The following ANXA8 variants were observed in gnomAD, a reference collection of about 807,000 sequenced individuals.
The protein encoded by ANXA8 is VAC-beta.
A neutral mutation model predicts 26.8 loss-of-function variants in ANXA8; 9 were observed. The observed-to-expected ratio is 0.34, with a 90% confidence interval of 0.20 to 0.59. The LOEUF (loss-of-function observed/expected upper bound fraction) is 0.59. Ranked by LOEUF, ANXA8 falls within the 20% of genes least tolerant of loss-of-function variation. The pLI is 0.84. For missense variants in ANXA8, 83 were observed against 238.5 expected, an observed-to-expected ratio of 0.35 and a Z score of 4.29; for synonymous variants, 39 against 94.8, an observed-to-expected ratio of 0.41 and a Z score of 3.42.
the ANXA8 span, among the ~76,000 whole-genome samples, chr10:47,940,914 G>A: frequency 7.1e-6 from 1 of 140,212 alleles, no homozygotes; most frequent in Non-Finnish European, 1.5e-5. Flanking sequence ...GAGAGAGAGA[G>A]AAAGAGGGAG....
chr10:47,685,134 G>A, the ANXA8 span, among the ~76,000 whole-genome samples: 9 of 150,314 alleles, frequency 6.0e-5, no homozygotes, highest in African/African-American at 2.0e-4. Flanking sequence ...ATCAGCTGAG[G>A]TTGGGAGTTC....
the ANXA8 span, among the ~76,000 whole-genome samples, chr10:47,628,679 G>A: frequency 6.7e-6 from 1 of 149,910 alleles, no homozygotes; most frequent in Admixed American, 6.6e-5. Context: ...ATGCCTCTCA[G>A]CACCTCACTG....
At chr10:47,530,753 C>G in the ANXA8 span, among the ~76,000 whole-genome samples, 12 of 132,442 alleles carry the variant, frequency 9.1e-5, no homozygotes, top group Non-Finnish European at 1.9e-4. Flanking sequence ...ACACCCACAT[C>G]CCTCTTATCC....
intron 6 of ANXA8, among the ~76,000 whole-genome samples, chr10:47,475,206 C>T (rs1273098151): frequency 8.8e-5 from 13 of 147,578 alleles, no homozygotes; most frequent in African/African-American, 2.7e-4. Context: ...TAAGGCTTGG[C>T]GGATTCAGTG....
At chr10:47,567,919 A>G in the ANXA8 span, 90 of 595,130 alleles carry the variant, frequency 1.5e-4, 1 homozygote, top group African/African-American at 1.8e-3. Context: ...TTTAACCTTT[A>G]TATGGAATAG....
chr10:47,551,716 A>C, the ANXA8 span: 3 of 236,208 alleles, frequency 1.3e-5, no homozygotes, highest in African/African-American at 6.9e-5. Context: ...ATTCAATGGA[A>C]GAACCATCAG....
At chr10:47,944,981 A>G in the ANXA8 span, among the ~76,000 whole-genome samples, 1 of 149,598 alleles carries the variant, frequency 6.7e-6, no homozygotes, top group Non-Finnish European at 1.5e-5. Flanking sequence ...TCCTGCTCCC[A>G]GGATTTTGTA....
chr10:47,596,054 T>C, the ANXA8 span, among the ~76,000 whole-genome samples: 1 of 138,646 alleles, frequency 7.2e-6, no homozygotes, highest in African/African-American at 3.0e-5. Context: ...TCAAATAATA[T>C]CAAGCATCTT....
the ANXA8 span, among the ~76,000 whole-genome samples, chr10:47,687,086 A>G: frequency 6.6e-6 from 1 of 151,238 alleles, no homozygotes; most frequent in Non-Finnish European, 1.5e-5. Flanking sequence ...CCTGGGTGAG[A>G]GAGAGAGACC....
At chr10:47,896,833 CAT>C in the ANXA8 span, among the ~76,000 whole-genome samples, 1 of 152,054 alleles carries the variant, frequency 6.6e-6, no homozygotes, top group African/African-American at 2.4e-5. Context: ...TCAAACAAGA[CAT>C]AAACAATTGT....
At chr10:47,510,885 C>G in the ANXA8 span, among the ~76,000 whole-genome samples, 1 of 127,112 alleles carries the variant, frequency 7.9e-6, no homozygotes, top group Non-Finnish European at 1.6e-5. Flanking sequence ...ATATTTTTTT[C>G]TACAGCAATA....
At chr10:47,944,382 T>C in the ANXA8 span, among the ~76,000 whole-genome samples, 1 of 149,430 alleles carries the variant, frequency 6.7e-6, no homozygotes, top group East Asian at 2.1e-4. Context: ...TTCCGGACTC[T>C]GCTCCCAAGT....
At chr10:47,546,227 AT>A in the ANXA8 span, among the ~76,000 whole-genome samples, 1 of 139,252 alleles carries the variant, frequency 7.2e-6, no homozygotes, top group Non-Finnish European at 1.6e-5. Context: ...AAAAAAAAAA[AT>A]CTTTTTTTGC....
At chr10:47,731,278 GTTTT>G in the ANXA8 span, among the ~76,000 whole-genome samples, 1 of 144,968 alleles carries the variant, frequency 6.9e-6, no homozygotes, top group Non-Finnish European at 1.5e-5. Flanking sequence ...GGTGGTTGTT[GTTTT>G]TTAACTTGGC....
the ANXA8 span, among the ~76,000 whole-genome samples, chr10:47,560,266 T>G: frequency 6.6e-6 from 1 of 151,904 alleles, no homozygotes; most frequent in Non-Finnish European, 1.5e-5. Context: ...CAAGTTAAAA[T>G]TTTTAAGTTT....
chr10:47,594,271 C>A, the ANXA8 span, among the ~76,000 whole-genome samples: 7 of 148,380 alleles, frequency 4.7e-5, no homozygotes, highest in Middle Eastern at 3.4e-3. Flanking sequence ...CTAATACAAA[C>A]CCCATCTAAA....
chr10:47,936,918 TG>T, the ANXA8 span, among the ~76,000 whole-genome samples: 1 of 151,378 alleles, frequency 6.6e-6, no homozygotes, highest in Non-Finnish European at 1.5e-5. Flanking sequence ...ACTTTTCCCT[TG>T]TTTGCTCAAG....
the ANXA8 span, among the ~76,000 whole-genome samples, chr10:47,689,282 T>A: frequency 1.3e-5 from 2 of 150,724 alleles, no homozygotes; most frequent in African/African-American, 4.9e-5. Context: ...TGGGTTCAAG[T>A]GATTCTTCTG....
the ANXA8 span, among the ~76,000 whole-genome samples, chr10:47,958,237 G>A: frequency 1.3e-5 from 2 of 149,838 alleles, no homozygotes; most frequent in African/African-American, 5.0e-5. Flanking sequence ...CCAACACTTT[G>A]GGAAGCCGAG....
Sources: allele counts gnomAD v4.1 joint callset (sites outside exome capture counted in the v4.1 genomes callset), GRCh38; gene constraint gnomAD v4.1.1; transcripts MANE v1.5; gene names NCBI Gene and HGNC (gene_info 2026-07-23, HGNC 2026-07-21).